Variants in ROBO2 observed in about 807,000 individuals in gnomAD.
The protein encoded by ROBO2 is roundabout homolog 2.
In ROBO2, 53 loss-of-function variants were observed where a neutral mutation model predicts 160.8. The observed-to-expected ratio is 0.33, with a 90% CI of 0.26 to 0.41. The LOEUF is 0.41. Ranked by LOEUF, ROBO2 falls within the 10% of genes least tolerant of loss-of-function variation. The probability of loss-of-function intolerance (pLI) is 1.00; values close to 1 mark genes in which losing one functional copy is unlikely to be tolerated. For missense variants in ROBO2, 1,577 were observed against 1,722.4 expected (o/e 0.92, Z 1.49); for synonymous variants, 664 against 611.7 (o/e 1.09, Z -1.26).
intron 2 of ROBO2, among the ~76,000 whole-genome samples, chr3:76,360,087 G>A (rs2075417070): frequency 6.6e-6 from 1 of 152,000 alleles, no homozygotes; most frequent in Non-Finnish European, 1.5e-5. Flanking sequence ...ATATAATTGG[G>A]ACAGAGATGT....
intron 23 of ROBO2, chr3:77,632,646 T>C: frequency 6.5e-7 from 1 of 1,534,612 alleles, no homozygotes; most frequent in Non-Finnish European, 8.7e-7. Flanking sequence ...GAACCAGCCT[T>C]ACAAGAACAG....
At chr3:76,594,120 T>C (rs1281123919) in intron 2 of ROBO2, among the ~76,000 whole-genome samples, 1 of 152,000 alleles carries the variant, frequency 6.6e-6, no homozygotes. Flanking sequence ...ATATCTAACA[T>C]CCATTACAAG....
chr3:76,550,203 A>T (rs2083333115), intron 2 of ROBO2, among the ~76,000 whole-genome samples: 1 of 152,150 alleles, frequency 6.6e-6, no homozygotes, highest in African/African-American at 2.4e-5. Context: ...TCGTAAAATG[A>T]CCACTTCTTG....
At chr3:76,518,473 C>T (rs928888893) in intron 2 of ROBO2, among the ~76,000 whole-genome samples, 1 of 151,970 alleles carries the variant, frequency 6.6e-6, no homozygotes, top group South Asian at 2.1e-4. Flanking sequence ...TGGGTCAAGT[C>T]TCTTTAAGAG....
intron 2 of ROBO2, among the ~76,000 whole-genome samples, chr3:77,178,080 T>TCTATA (rs1368937477): frequency 6.6e-6 from 1 of 151,880 alleles, no homozygotes. Context: ...TGAAGGCAAA[T>TCTATA]CTATAAACAA....
chr3:77,187,311 T>C (rs1469592359), intron 2 of ROBO2, among the ~76,000 whole-genome samples: 1 of 151,954 alleles, frequency 6.6e-6, no homozygotes, highest in Non-Finnish European at 1.5e-5. Flanking sequence ...TAAAATGAAA[T>C]ATACCTAAGA....
chr3:76,320,188 A>C (rs887652983), intron 2 of ROBO2, among the ~76,000 whole-genome samples: 1 of 152,180 alleles, frequency 6.6e-6, no homozygotes, highest in East Asian at 1.9e-4. Context: ...AAAAACAACA[A>C]TAAAACTTTA....
intron 2 of ROBO2, among the ~76,000 whole-genome samples, chr3:76,030,693 T>G (rs1027392272): frequency 1.3e-5 from 2 of 152,188 alleles, no homozygotes; most frequent in Non-Finnish European, 2.9e-5. Context: ...GTGATGTTAT[T>G]TCTGAGGCCT....
intron 2 of ROBO2, among the ~76,000 whole-genome samples, chr3:76,261,205 T>G (rs138499055): frequency 7.3e-6 from 1 of 137,252 alleles, no homozygotes; most frequent in Non-Finnish European, 1.6e-5. Context: ...TGTGTGTGTA[T>G]ATATATATAT....
At chr3:76,144,118 T>C (rs899087038) in intron 2 of ROBO2, among the ~76,000 whole-genome samples, 5 of 151,998 alleles carry the variant, frequency 3.3e-5, no homozygotes, top group South Asian at 2.1e-4. Flanking sequence ...TTTGGGCACA[T>C]TGTGGCCCAG....
intron 2 of ROBO2, among the ~76,000 whole-genome samples, chr3:77,194,535 A>G (rs956679619): frequency 3.9e-5 from 6 of 152,178 alleles, no homozygotes; most frequent in Non-Finnish European, 8.8e-5. Context: ...CATTTATTCA[A>G]CTCAACAAGT....
intron 2 of ROBO2, among the ~76,000 whole-genome samples, chr3:77,103,496 A>G (rs1451573110): frequency 6.6e-6 from 1 of 152,174 alleles, no homozygotes; most frequent in African/African-American, 2.4e-5. Flanking sequence ...TTGATAAATA[A>G]AATGACTACA....
intron 2 of ROBO2, among the ~76,000 whole-genome samples, chr3:77,384,299 A>G (rs1027066282): frequency 6.6e-6 from 1 of 152,152 alleles, no homozygotes; most frequent in Non-Finnish European, 1.5e-5. Context: ...TTAGTCCTCA[A>G]TGACTGATGT....
At chr3:77,494,451 A>G (rs1277114227) in intron 5 of ROBO2, among the ~76,000 whole-genome samples, 2 of 151,886 alleles carry the variant, frequency 1.3e-5, no homozygotes, top group Admixed American at 6.6e-5. Context: ...GGTGGCACAT[A>G]CCTGTAATCC....
intron 2 of ROBO2, among the ~76,000 whole-genome samples, chr3:77,248,940 C>T (rs1158991060): frequency 6.6e-6 from 1 of 152,134 alleles, no homozygotes; most frequent in Non-Finnish European, 1.5e-5. Flanking sequence ...TGCAGTGGCT[C>T]AGTCTCAGCT....
At chr3:76,325,747 T>C (rs2072963685) in intron 2 of ROBO2, among the ~76,000 whole-genome samples, 2 of 151,982 alleles carry the variant, frequency 1.3e-5, no homozygotes, top group African/African-American at 4.8e-5. Context: ...TGTTTTGATA[T>C]TGTTAATAGT....
At chr3:76,207,179 G>A (rs1198213604) in intron 2 of ROBO2, among the ~76,000 whole-genome samples, 1 of 152,102 alleles carries the variant, frequency 6.6e-6, no homozygotes, top group African/African-American at 2.4e-5. Flanking sequence ...ATGCGATAAG[G>A]TAATATCAAG....
chr3:77,534,589 T>G (rs1218454173), intron 6 of ROBO2, among the ~76,000 whole-genome samples: 1 of 152,200 alleles, frequency 6.6e-6, no homozygotes, highest in Non-Finnish European at 1.5e-5. Context: ...ATGCATGATA[T>G]TTGAATTGCT....
At chr3:76,809,274 T>G (rs1406048809) in intron 2 of ROBO2, among the ~76,000 whole-genome samples, 1 of 152,096 alleles carries the variant, frequency 6.6e-6, no homozygotes, top group Admixed American at 6.6e-5. Context: ...GTTGGCAGAA[T>G]TCATATCATT....
Sources: gnomAD v4.1 joint callset for allele counts (sites outside exome capture counted in the v4.1 genomes callset) on GRCh38, gnomAD v4.1.1 for gene constraint, MANE v1.5 for transcripts, NCBI Gene and HGNC (gene_info 2026-07-23, HGNC 2026-07-21) for gene names.